CDH12: variants seen among roughly 807,000 people sequenced by gnomAD.
CDH12 encodes the protein cadherin-12.
In CDH12, 41 loss-of-function variants were observed where a neutral mutation model predicts 74.1. That is an observed-to-expected ratio of 0.55 (90% confidence interval 0.43 to 0.72). The LOEUF is 0.72. Ranked by LOEUF, CDH12 falls within the 30% of genes least tolerant of loss-of-function variation. The probability of loss-of-function intolerance (pLI) is 0.00; values close to 1 mark genes in which losing one functional copy is unlikely to be tolerated. For missense variants in CDH12, 945 were observed against 977.2 expected (o/e 0.97, Z 0.44); for synonymous variants, 399 against 355.0 (o/e 1.12, Z -1.39).
intron 9 of CDH12, among the ~76,000 whole-genome samples, chr5:21,804,320 A>G (rs1203363214): frequency 6.6e-6 from 1 of 152,160 alleles, no homozygotes; most frequent in Non-Finnish European, 1.5e-5. Context: ...AGGATCACCC[A>G]GTGATGTTCC....
At chr5:21,902,810 G>A (rs990413555) in intron 6 of CDH12, among the ~76,000 whole-genome samples, 45 of 152,034 alleles carry the variant, frequency 3.0e-4, no homozygotes, top group Admixed American at 2.9e-3. Flanking sequence ...TTATGTTGGA[G>A]AGTATGACTC....
intron 6 of CDH12, among the ~76,000 whole-genome samples, chr5:21,902,322 C>A (rs1041880808): frequency 6.6e-6 from 1 of 150,988 alleles, no homozygotes; most frequent in African/African-American, 2.4e-5. Flanking sequence ...ATATATATAT[C>A]TCCCTCGCTA....
chr5:22,202,175 C>CCT (rs1750965602), intron 4 of CDH12, among the ~76,000 whole-genome samples: 1 of 136,542 alleles, frequency 7.3e-6, no homozygotes, highest in Non-Finnish European at 1.6e-5. Flanking sequence ...TCCTCCCTTC[C>CCT]TTCCTTCCTT....
chr5:22,241,015 TG>T (rs1189332252), intron 3 of CDH12, among the ~76,000 whole-genome samples: 1 of 151,974 alleles, frequency 6.6e-6, no homozygotes, highest in Non-Finnish European at 1.5e-5. Flanking sequence ...AGCTAGAGAA[TG>T]GAAACAGAAC....
intron 5 of CDH12, among the ~76,000 whole-genome samples, chr5:22,010,150 T>C (rs1580108365): frequency 6.6e-6 from 1 of 152,122 alleles, no homozygotes; most frequent in African/African-American, 2.4e-5. Context: ...TGATGAACTA[T>C]TGCTTTACCA....
At chr5:22,597,680 T>C (rs1736667212) in intron 1 of CDH12, among the ~76,000 whole-genome samples, 1 of 152,212 alleles carries the variant, frequency 6.6e-6, no homozygotes, top group African/African-American at 2.4e-5. Flanking sequence ...AAGTGTGCCT[T>C]ACCTATAACA....
chr5:22,206,497 G>T (rs1252814346), intron 4 of CDH12, among the ~76,000 whole-genome samples: 1 of 151,688 alleles, frequency 6.6e-6, no homozygotes, highest in African/African-American at 2.4e-5. Flanking sequence ...CTTTTCTACA[G>T]CTGAAAGAAA....
At chr5:22,615,528 A>T (rs1203672764) in intron 1 of CDH12, among the ~76,000 whole-genome samples, 1 of 152,090 alleles carries the variant, frequency 6.6e-6, no homozygotes, top group Non-Finnish European at 1.5e-5. Context: ...GAGTTTATAA[A>T]TGGAGGCTGC....
intron 5 of CDH12, among the ~76,000 whole-genome samples, chr5:22,011,735 C>T (rs1737306234): frequency 1.3e-5 from 2 of 151,948 alleles, no homozygotes; most frequent in African/African-American, 4.8e-5. Context: ...AATTATAAGG[C>T]ACAAAGTCTT....
intron 1 of CDH12, among the ~76,000 whole-genome samples, chr5:22,521,238 A>G (rs1396616970): frequency 1.3e-5 from 2 of 151,796 alleles, no homozygotes; most frequent in Non-Finnish European, 2.9e-5. Context: ...CGAAATTAAT[A>G]TTTTATTATA....
At chr5:22,338,961 A>C (rs1363446550) in intron 3 of CDH12, among the ~76,000 whole-genome samples, 1 of 152,140 alleles carries the variant, frequency 6.6e-6, no homozygotes, top group African/African-American at 2.4e-5. Flanking sequence ...CTTCAGTCCT[A>C]TTACTGCAAA....
At chr5:21,797,956 CAT>C (rs1746883107) in intron 10 of CDH12, among the ~76,000 whole-genome samples, 1 of 152,058 alleles carries the variant, frequency 6.6e-6, no homozygotes, top group East Asian at 1.9e-4. Flanking sequence ...ACTCTAGATA[CAT>C]AGTTTCTCTA....
intron 6 of CDH12, among the ~76,000 whole-genome samples, chr5:21,899,240 C>G (rs1753270836): frequency 6.6e-6 from 1 of 152,174 alleles, no homozygotes; most frequent in African/African-American, 2.4e-5. Flanking sequence ...TTATTGCATG[C>G]CACCTTGCAT....
At chr5:21,840,514 T>C (rs929111547) in intron 8 of CDH12, among the ~76,000 whole-genome samples, 111 of 151,228 alleles carry the variant, frequency 7.3e-4, no homozygotes, top group African/African-American at 2.5e-3. Flanking sequence ...ACTTTAAAGT[T>C]CATATGGAAC....
At chr5:22,687,114 T>C (rs562751161) in intron 1 of CDH12, among the ~76,000 whole-genome samples, 1 of 151,992 alleles carries the variant, frequency 6.6e-6, no homozygotes, top group African/African-American at 2.4e-5. Flanking sequence ...ACCAATATGG[T>C]GAAACCCCGT....
rs549081014 is a variant in CDH12 at position 21,883,701 on chromosome 5, A to G, written c.527-28911T>C. On this transcript the variant is annotated intron_variant, in intron 6 of 14. Coordinates refer to ENST00000382254, the MANE Select transcript of CDH12 (RefSeq NM_004061.5). ...TGACAAGGCTCAACTTGAAAAACGTATTCAAGAAATCATTGGGCAGTTAGA... is the reference window on the plus strand; with the variant it reads ...TGACAAGGCTCAACTTGAAAAACGTGTTCAAGAAATCATTGGGCAGTTAGA... The G allele has an allele frequency of 4.7e-5, 76 of 1,610,064 alleles. No homozygotes were observed. The East Asian group carries it at 1.7e-3, about 35-fold the overall frequency.
intron 2 of CDH12, among the ~76,000 whole-genome samples, chr5:22,475,988 C>T (rs2126613955): frequency 6.6e-6 from 1 of 151,968 alleles, no homozygotes; most frequent in African/African-American, 2.4e-5. Flanking sequence ...ATGCTAAATC[C>T]TCTGCTAGTA....
chr5:22,243,104 G>A (rs1249781889), intron 3 of CDH12, among the ~76,000 whole-genome samples: 2 of 151,978 alleles, frequency 1.3e-5, no homozygotes, highest in African/African-American at 4.8e-5. Context: ...ATTAATTGTT[G>A]AACTTTCTAA....
chr5:22,334,095 G>A (rs1028425696), intron 3 of CDH12, among the ~76,000 whole-genome samples: 5 of 152,080 alleles, frequency 3.3e-5, no homozygotes, highest in East Asian at 1.9e-4. Flanking sequence ...AGTCACCACT[G>A]TTATTTACTA....
Sources: allele counts gnomAD v4.1 joint callset (sites outside exome capture counted in the v4.1 genomes callset), GRCh38; gene constraint gnomAD v4.1.1; transcripts MANE v1.5; gene names NCBI Gene and HGNC (gene_info 2026-07-23, HGNC 2026-07-21).